USF3: variants seen among roughly 807,000 people sequenced by gnomAD.
USF3 encodes basic helix-loop-helix domain-containing protein USF3.
In USF3, 29 loss-of-function variants were observed where a neutral mutation model predicts 157.5. The ratio of observed to expected loss-of-function variants is 0.18; its 90% CI spans 0.14 to 0.25. USF3 has a LOEUF of 0.25. Ranked by LOEUF, USF3 falls within the 10% of genes least tolerant of loss-of-function variation. The pLI is 1.00. For synonymous variants in USF3, 893 were observed against 941.4 expected (o/e 0.95, Z 0.94); for missense variants, 2,381 against 2,667.6 (o/e 0.89, Z 2.37).
rs1947322089 is a variant in USF3, at chr3:113,654,744, G to C, written c.*200C>G. The C allele has an allele frequency of 3.6e-6, 2 of 555,876 alleles. No homozygotes were observed. Among genetic ancestry groups the C allele is most frequent in the Admixed American group, 3.5e-5 (1 of 28,194 alleles). The allele number at this position is 555,876 out of a possible 1,614,324, so 34.4% of individuals were successfully genotyped here. A position where few individuals can be genotyped will look rare whatever the true frequency, so the allele number is the denominator to read the frequency against. ...GGAAAATAAAAAAGTACACCATGCA[G>C]TTGAAAACGAAAGATAACTTGTTTT... is the stretch of plus-strand genomic sequence containing the variant. On this transcript the variant is annotated 3_prime_UTR_variant, in exon 7 of 7. Transcript: ENST00000316407.
At chr3:113,687,629 C>G (rs1363663386) in intron 1 of USF3, among the ~76,000 whole-genome samples, 3 of 152,192 alleles carry the variant, frequency 2.0e-5, no homozygotes, top group Non-Finnish European at 4.4e-5. Flanking sequence ...TAGTCTTCCC[C>G]CCTGCTTATT....
At position 113,656,577 on chromosome 3, in the gene USF3, C is replaced by A. The variant is rs755657981; in HGVS notation, c.5105G>T (p.Ser1702Ile). The stretch of plus-strand genomic sequence containing the variant: ...CTTATTTCTGGGAACATCAAGATAG[C>A]TTCTCATTTCAAGCTGATCTGAAAC... ...SRVSDQLEMRSYLDVPRNKSL... is the reference protein window; with the variant it reads ...SRVSDQLEMRIYLDVPRNKSL... Residue 1702 changes from serine to isoleucine, a missense_variant, in exon 7 of 7, where the codon AGC becomes ATC. Physicochemically the swap from Ser to Ile is moderately radical, Grantham distance 142. Coordinates refer to ENST00000316407, the MANE Select transcript of USF3 (RefSeq NM_001009899.4). The A allele has an allele frequency of 1.2e-6, 2 of 1,614,076 alleles. No homozygotes were observed. Among genetic ancestry groups the A allele is most frequent in the Non-Finnish European group, 1.7e-6 (2 of 1,180,040 alleles).
intron 6 of USF3, 101 bp downstream of exon 6, chr3:113,664,211 TG>T: frequency 1.5e-6 from 1 of 669,774 alleles, no homozygotes; most frequent in Non-Finnish European, 2.5e-6. Flanking sequence ...AATAATGTTT[TG>T]GGGCCAAAAA....
chr3:113,666,568 C>CTT lies in USF3; in HGVS notation c.160-2161_160-2160dup, dbSNP rs775533373. ...ATGCCTGGCCCCTACTTATTGTTTC[C>CTT]TTTTTTTTTTTTTTTTTTTTTGTAA... On this transcript the variant is annotated intron_variant, in intron 5 of 6. Coordinates refer to ENST00000316407, the MANE Select transcript of USF3 (RefSeq NM_001009899.4). Among the ~76,000 whole-genome samples the CTT allele has an allele frequency of 8.4e-4, 92 of 109,118 alleles. 1 individual carries two copies. Among genetic ancestry groups the CTT allele is most frequent in the African/African-American group, 1.5e-3 (45 of 29,188 alleles). 71.6% of individuals were successfully genotyped at this position (109,118 alleles called of 152,430 possible). A position where few individuals can be genotyped will look rare whatever the true frequency, so the allele number is the denominator to read the frequency against.
intron 1 of USF3, among the ~76,000 whole-genome samples, chr3:113,694,336 A>G (rs770271632): frequency 6.6e-5 from 10 of 152,226 alleles, no homozygotes; most frequent in Non-Finnish European, 1.5e-4. Flanking sequence ...AGCTCTGAAA[A>G]TAGGAAAAGT....
At chr3:113,680,825 G>A (rs1039667751) in intron 1 of USF3, among the ~76,000 whole-genome samples, 7 of 148,920 alleles carry the variant, frequency 4.7e-5, no homozygotes, top group South Asian at 2.1e-4. Context: ...GTTTTGTTTC[G>A]TCAATCTATT....
intron 1 of USF3, among the ~76,000 whole-genome samples, chr3:113,688,811 C>T (rs922621165): frequency 2.6e-4 from 40 of 152,048 alleles, no homozygotes; most frequent in Non-Finnish European, 4.6e-4. Context: ...GAGGCTGAGG[C>T]GGGTGGATCA....
rs1947456925 is a variant in USF3 at position 113,660,213 on chromosome 3, G to A, written c.1469C>T (p.Pro490Leu). The A allele has an allele frequency of 6.2e-7, 1 of 1,614,188 alleles. No individual in the cohort carries two copies. Among genetic ancestry groups the A allele is most frequent in the African/African-American group, 1.3e-5 (1 of 75,042 alleles). ...LNNSFPADGQ[P>L]VEQVVVTLPS... ...CAATGTTACAACTACTTGCTCAACTGGCTGCCCATCTGCTGGAAAGGAATT... is the reference window on the plus strand; with the variant it reads ...CAATGTTACAACTACTTGCTCAACTAGCTGCCCATCTGCTGGAAAGGAATT... Residue 490 changes from proline (P) to leucine (L), a missense_variant, in exon 7 of 7, where the codon CCA (proline) becomes CTA (leucine). Pro to Leu is a moderately conservative substitution (Grantham distance 98). Transcript: ENST00000316407.
In USF3 at chr3:113,657,477, A is replaced by T. The variant is rs753892037; in HGVS notation, c.4205T>A (p.Phe1402Tyr). ...AGTCACAAAGTTGTTACTAGGTGGA[A>T]ATAATCGTGTAAGGCCATCTCCATG... ...PAHGDGLTRLFPPSNNFVTPA... is the reference protein window; with the variant it reads ...PAHGDGLTRLYPPSNNFVTPA... The change falls in exon 7 of 7, where the codon TTT becomes TAT. Residue 1402 changes from phenylalanine to tyrosine, a missense_variant. Around this residue, in one of 6 missense-constraint regions of USF3, gnomAD observed 1,435 missense variants for 1,550.9 expected, o/e 0.93. Transcript: ENST00000316407. The T allele has an allele frequency of 3.7e-6, 6 of 1,614,038 alleles. No individual in the cohort carries two copies. The African/African-American group carries it at 8.0e-5, about 22-fold the overall frequency.
At chr3:113,694,441 G>A (rs1654850722) in intron 1 of USF3, among the ~76,000 whole-genome samples, 1 of 152,188 alleles carries the variant, frequency 6.6e-6, no homozygotes, top group South Asian at 2.1e-4. Flanking sequence ...GACTAACCTA[G>A]AAGATAAGTA....
At position 113,661,016 on chromosome 3, in the gene USF3, A is replaced by G. The variant is rs1947475136; in HGVS notation, c.666T>C (p.Pro222=). Residue 222 remains proline, a synonymous_variant, in exon 7 of 7, where the codon CCT becomes CCC. Transcript: ENST00000316407. The part of the protein sequence containing the change: ...TTVPALATNQ[P]VPLCLPAAIS... The stretch of plus-strand genomic sequence containing the variant: ...TGGCAGCAGGAAGACAAAGAGGAAC[A>G]GGCTGGTTGGTAGCCAATGCAGGAA... 26 of 1,614,058 alleles carry G rather than the reference A, an allele frequency of 1.6e-5. No homozygotes were observed. Among genetic ancestry groups the G allele is most frequent in the Non-Finnish European group, 2.2e-5 (26 of 1,180,022 alleles).
rs1461833262 is a variant in USF3 at position 113,661,131 on chromosome 3, A to T, written c.551T>A (p.Val184Glu). The change falls in exon 7 of 7, where the codon GTG becomes GAG. Residue 184 changes from valine (V) to glutamate (E), a missense_variant. By Grantham distance (121) the Val-to-Glu change is moderately radical. Around this residue, in one of 6 missense-constraint regions of USF3, gnomAD observed 1,435 missense variants for 1,550.9 expected, o/e 0.93. Transcript: ENST00000316407. ...HNLQKQTANVVPVQRTCNLVT... is the reference protein window; with the variant it reads ...HNLQKQTANVEPVQRTCNLVT... ...AAGATTGCAAGTCCTCTGTACTGGC[A>T]CCACATTGGCGGTCTGCTTTTGTAA... 6.2e-7 allele frequency: 1 copy of T among 1,614,200 alleles called. No homozygotes were observed. The highest frequency in any genetic ancestry group is 8.5e-7 in the Non-Finnish European group (1 of 1,180,022).
intron 1 of USF3, among the ~76,000 whole-genome samples, chr3:113,695,571 A>G (rs1473845429): frequency 6.6e-6 from 1 of 152,222 alleles, no homozygotes; most frequent in Non-Finnish European, 1.5e-5. Flanking sequence ...TACTGTATCT[A>G]CTTGATGGTA....
At position 113,659,623 on chromosome 3, in the gene USF3, G is replaced by C. The variant is rs773748598; in HGVS notation, c.2059C>G (p.Pro687Ala). The change falls in exon 7 of 7, where the codon CCT becomes GCT. Residue 687 changes from proline (P) to alanine (A), a missense_variant. By Grantham distance (27) the Pro-to-Ala change is conservative. This residue lies in a region of USF3 where 1,435 missense variants were observed against 1,550.9 expected (regional missense o/e 0.93). Transcript: ENST00000316407. ...GTGGTGGGTTGAATAATTTGCATAG[G>C]GGTTTGATTTGTAGTTCCTGATGAA... ...MSSSGTTNQT[P>A]MQIIQPTTSE... 1 of 1,614,062 alleles carries C rather than the reference G, an allele frequency of 6.2e-7. No homozygotes were observed. The highest frequency in any genetic ancestry group is 2.2e-5 in the East Asian group (1 of 44,894).
In USF3 at chr3:113,658,979, A is replaced by G; in HGVS notation, c.2703T>C (p.His901=). The change falls in exon 7 of 7, where the codon CAT becomes CAC. Residue 901 remains histidine (H), a synonymous_variant. Transcript: ENST00000316407. The stretch of plus-strand genomic sequence containing the variant: ...TGGATTTTGCTGCGGCCATTGCAAA[A>G]TGTTCACTTGTTACAGATTCTTGGG... ...PPSQESVTSE[H]FAMAAAKSKD... 6.2e-7 allele frequency: 1 copy of G among 1,614,162 alleles called. No individual in the cohort carries two copies. The highest frequency in any genetic ancestry group is 8.5e-7 in the Non-Finnish European group (1 of 1,180,024).
intron 1 of USF3, among the ~76,000 whole-genome samples, chr3:113,687,631 C>G (rs1239327616): frequency 1.3e-5 from 2 of 152,228 alleles, no homozygotes; most frequent in Non-Finnish European, 2.9e-5. Context: ...GTCTTCCCCC[C>G]TGCTTATTTG....
At position 113,670,221 on chromosome 3, in the gene USF3, C is replaced by T. The variant is rs1377422674; in HGVS notation, c.77-18G>A. On this transcript the variant is annotated intron_variant, in intron 4 of 6. Transcript: ENST00000316407. The stretch of plus-strand genomic sequence containing the variant: ...CCTCTCCACTAGATGGGAGAAAATT[C>T]GTTTATCAAACCTTACACTACTTAG... The T allele has an allele frequency of 1.2e-5, 18 of 1,501,308 alleles. No individual in the cohort carries two copies. The highest frequency in any genetic ancestry group is 5.5e-5 in the African/African-American group (4 of 72,836). 93.0% of individuals were successfully genotyped at this position (1,501,308 alleles called of 1,614,324 possible).
Position 113,661,309 on chromosome 3 carries a change from A to T in USF3, c.373T>A (p.Trp125Arg), listed in dbSNP as rs373132553. The change falls in exon 7 of 7, where the codon TGG becomes AGG. Residue 125 changes from tryptophan (W) to arginine (R), a missense_variant. This residue lies in a region of USF3 where 105 missense variants were observed against 158.6 expected (regional missense o/e 0.66). Transcript: ENST00000316407. ...TTTGAGTTTTTAAGATTTCCTTTCCAGTGAATTGTCGGGTCATCATATAAG... is the reference window on the plus strand; with the variant it reads ...TTTGAGTTTTTAAGATTTCCTTTCCTGTGAATTGTCGGGTCATCATATAAG... ...ICLYDDPTIH[W>R]KGNLKNSKVS... The T allele has an allele frequency of 1.2e-6, 2 of 1,614,088 alleles. No homozygotes were observed. Among genetic ancestry groups the T allele is most frequent in the Non-Finnish European group, 1.7e-6 (2 of 1,179,982 alleles).
In USF3 at chr3:113,659,787, T is replaced by C; in HGVS notation, c.1895A>G (p.His632Arg). The C allele has an allele frequency of 6.2e-7, 1 of 1,614,234 alleles. No homozygotes were observed. Among genetic ancestry groups the C allele is most frequent in the Non-Finnish European group, 8.5e-7 (1 of 1,180,028 alleles). ...AGGTCTTGGTAATATGTGGACAAGA[T>C]GCTTTCCTCCAAAAGTCTGTGGTGT... is the stretch of plus-strand genomic sequence containing the variant. ...VPTPQTFGGK[H>R]LVHILPRPSS... The change falls in exon 7 of 7, where the codon CAT (histidine) becomes CGT (arginine). Residue 632 changes from histidine (H) to arginine (R), a missense_variant. His to Arg is a conservative substitution (Grantham distance 29). Coordinates refer to ENST00000316407, the MANE Select transcript of USF3 (RefSeq NM_001009899.4).
Sources: gnomAD v4.1 joint callset for allele counts (sites outside exome capture counted in the v4.1 genomes callset) on GRCh38, gnomAD v4.1.1 for gene constraint, gnomAD v4.1.1 regional missense constraint, MANE v1.5 for transcripts, NCBI Gene and HGNC (gene_info 2026-07-23, HGNC 2026-07-21) for gene names.